PRR14L: variants seen among roughly 807,000 people sequenced by gnomAD.
PRR14L encodes proline rich 14 like.
PRR14L carries 80 observed loss-of-function variants against 155.0 expected under a neutral mutation model. That is an observed-to-expected ratio of 0.52 (90% confidence interval 0.43 to 0.62). PRR14L has a LOEUF of 0.62. Ranked by LOEUF, PRR14L falls within the 20% of genes least tolerant of loss-of-function variation. The probability of loss-of-function intolerance (pLI) is 0.00; values close to 1 mark genes in which losing one functional copy is unlikely to be tolerated. For missense variants in PRR14L, 2,469 were observed against 2,548.0 expected, an observed-to-expected ratio of 0.97 and a Z score of 0.67; for synonymous variants, 883 against 916.0, an observed-to-expected ratio of 0.96 and a Z score of 0.65.
intron 3 of PRR14L, among the ~76,000 whole-genome samples, chr22:31,723,744 G>A (rs901131824): frequency 2.0e-5 from 3 of 152,244 alleles, no homozygotes; most frequent in Non-Finnish European, 4.4e-5. Flanking sequence ...TGGGACAAAT[G>A]TCCTTTTTCA....
chr22:31,743,209 G>A (rs890952141), intron 1 of PRR14L, among the ~76,000 whole-genome samples: 3 of 152,140 alleles, frequency 2.0e-5, no homozygotes, highest in Non-Finnish European at 4.4e-5. Flanking sequence ...GGCTGAGGCA[G>A]GAGAATCACT....
At chr22:31,747,016 G>A (rs1569501541) in intron 1 of PRR14L, among the ~76,000 whole-genome samples, 1 of 151,908 alleles carries the variant, frequency 6.6e-6, no homozygotes, top group Non-Finnish European at 1.5e-5. Flanking sequence ...GAGTTAGCCA[G>A]GATGGTCTTG....
At chr22:31,707,057 AAAG>A (rs965998455) in intron 4 of PRR14L, among the ~76,000 whole-genome samples, 2 of 152,096 alleles carry the variant, frequency 1.3e-5, no homozygotes, top group African/African-American at 4.8e-5. Flanking sequence ...CTCAAAAAAA[AAAG>A]AAGAAAGAAA....
At chr22:31,739,072 A>C (rs1270260996) in intron 1 of PRR14L, among the ~76,000 whole-genome samples, 161 bp from the exon 2 acceptor site, 3 of 152,220 alleles carry the variant, frequency 2.0e-5, no homozygotes, top group Admixed American at 1.3e-4. Flanking sequence ...GTAGAAAAAT[A>C]AATACCTTAA....
chr22:31,704,758 G>GT (rs779161161), intron 4 of PRR14L, 32 bp from the exon 5 acceptor site: 1 of 1,550,036 alleles, frequency 6.5e-7, no homozygotes, highest in South Asian at 1.1e-5. Flanking sequence ...AAAGCAATAG[G>GT]TAAGGGCAGT....
chr22:31,724,658 A>T (rs913085995), intron 3 of PRR14L, among the ~76,000 whole-genome samples: 1 of 152,196 alleles, frequency 6.6e-6, no homozygotes, highest in Non-Finnish European at 1.5e-5. Context: ...CTGGCCTCCC[A>T]AAGTGCTGGG....
rs2074472323 is a variant in PRR14L at position 31,684,522 on chromosome 22, G to A, written c.*1005C>T. ...AACCATAGTAGTTTTTCAATGATCG[G>A]GAGAGAAACCTGCTCTTACTTAAAT... On this transcript the variant is annotated 3_prime_UTR_variant, in exon 9 of 9. Coordinates refer to ENST00000327423, the MANE Select transcript of PRR14L (RefSeq NM_173566.3). 1 of 152,096 alleles carries A rather than the reference G, an allele frequency of 6.6e-6. No individual in the cohort carries two copies. Among genetic ancestry groups the A allele is most frequent in the Non-Finnish European group, 1.5e-5 (1 of 68,020 alleles). 9.4% of individuals were successfully genotyped at this position (152,096 alleles called of 1,614,324 possible). A position where few individuals can be genotyped will look rare whatever the true frequency, so the allele number is the denominator to read the frequency against.
At chr22:31,697,301 C>CAAAAA in intron 7 of PRR14L, among the ~76,000 whole-genome samples, 1 of 58,616 alleles carries the variant, frequency 1.7e-5, no homozygotes, top group Non-Finnish European at 3.6e-5. Context: ...TACTCTGTCT[C>CAAAAA]AAAAAAAAAA....
At chr22:31,702,222 T>TTA (rs1254872351) in intron 6 of PRR14L, among the ~76,000 whole-genome samples, 7 of 152,212 alleles carry the variant, frequency 4.6e-5, no homozygotes, top group African/African-American at 1.4e-4. Context: ...CTGCTTTTTT[T>TTA]ATTATTTATT....
Position 31,697,118 on chromosome 22 carries a change from A to C in PRR14L, c.6107+4538T>G, listed in dbSNP as rs574145672. The stretch of plus-strand genomic sequence containing the variant: ...CAACAAGGGTGAAACTCCTTCTCAA[A>C]AAACAAACAAACAAACAAACAAACA... On this transcript the variant is annotated intron_variant, in intron 7 of 8. Coordinates refer to ENST00000327423, the MANE Select transcript of PRR14L (RefSeq NM_173566.3). Among the ~76,000 whole-genome samples, 7 of 151,068 alleles carry C rather than the reference A, an allele frequency of 4.6e-5. No homozygotes were observed. The South Asian group carries it at 1.5e-3, about 32-fold the overall frequency.
chr22:31,723,028 C>T (rs2074699329), intron 3 of PRR14L, among the ~76,000 whole-genome samples: 1 of 152,138 alleles, frequency 6.6e-6, no homozygotes, highest in African/African-American at 2.4e-5. Flanking sequence ...ATCTTCTTCT[C>T]TGGCTTGCTA....
In PRR14L at chr22:31,738,709, C is replaced by T; in HGVS notation, c.152G>A (p.Gly51Glu). The T allele has an allele frequency of 6.4e-7, 1 of 1,551,826 alleles. No individual in the cohort carries two copies. The highest frequency in any genetic ancestry group is 8.7e-7 in the Non-Finnish European group (1 of 1,147,028). Residue 51 changes from glycine (G) to glutamate (E), a missense_variant, in exon 2 of 9, where the codon GGA becomes GAA. By Grantham distance (98) the Gly-to-Glu change is moderately conservative (BLOSUM62 -2). This residue lies in a region of PRR14L where 2,363 missense variants were observed against 2,371.6 expected (regional missense o/e 1.00). Transcript: ENST00000327423. The part of the protein sequence containing the change: ...EPSVIPDVKP[G>E]ASSSLLSQNR... ...CTGACTTAAAAGAGAGCTTGAGGCT[C>T]CAGGTTTTACATCTGGAATCACACT...
intron 1 of PRR14L, among the ~76,000 whole-genome samples, chr22:31,746,153 C>T (rs1234246794): frequency 1.3e-5 from 2 of 152,136 alleles, no homozygotes; most frequent in African/African-American, 4.8e-5. Context: ...TGGTCTTGAG[C>T]TCCTGGCCTC....
chr22:31,696,143 ATAATTT>A (rs750392451), intron 7 of PRR14L, among the ~76,000 whole-genome samples: 42 of 146,010 alleles, frequency 2.9e-4, no homozygotes, highest in African/African-American at 9.3e-4. Flanking sequence ...CTTTATTATT[ATAATTT>A]TTTTTTTTTT....
chr22:31,739,582 C>A (rs192626872), intron 1 of PRR14L, among the ~76,000 whole-genome samples: 2 of 152,190 alleles, frequency 1.3e-5, no homozygotes, highest in Admixed American at 1.3e-4. Context: ...TCATTTGATT[C>A]TCTTAACAAC....
intron 3 of PRR14L, among the ~76,000 whole-genome samples, chr22:31,719,067 C>T (rs887525395): frequency 6.6e-6 from 1 of 151,948 alleles, no homozygotes; most frequent in African/African-American, 2.4e-5. Flanking sequence ...GAGCAAGACT[C>T]TGTCTCAAAA....
At chr22:31,710,136 T>C (rs1171163313) in intron 4 of PRR14L, among the ~76,000 whole-genome samples, 1 of 151,830 alleles carries the variant, frequency 6.6e-6, no homozygotes, top group Non-Finnish European at 1.5e-5. Flanking sequence ...GAGACAACGT[T>C]ATGCCATGTT....
intron 1 of PRR14L, among the ~76,000 whole-genome samples, chr22:31,739,826 G>A (rs11705329): frequency 0.13 from 19,730 of 152,116 alleles, 1,597 homozygotes; most frequent in African/African-American, 0.22. Context: ...TTGTAATACT[G>A]CACTATACAA....
chr22:31,721,403 C>G (rs1336756504), intron 3 of PRR14L, among the ~76,000 whole-genome samples: 3 of 152,118 alleles, frequency 2.0e-5, no homozygotes, highest in Admixed American at 2.0e-4. Flanking sequence ...CCTGTCTCAA[C>G]TAAAAATACA....
Sources: allele counts gnomAD v4.1 joint callset (sites outside exome capture counted in the v4.1 genomes callset), GRCh38; gene constraint gnomAD v4.1.1; regional missense constraint gnomAD v4.1.1; transcripts MANE v1.5; gene names NCBI Gene and HGNC (gene_info 2026-07-23, HGNC 2026-07-21).